The following FNDC3A variants were observed in gnomAD, a reference collection of about 807,000 sequenced individuals.
FNDC3A encodes the protein fibronectin type-III domain-containing protein 3A.
Under a neutral mutation model 148.9 loss-of-function variants are expected in FNDC3A, and 32 were observed. That is an observed-to-expected ratio of 0.21 (90% confidence interval 0.16 to 0.29). The LOEUF is 0.29. FNDC3A is among the 10% of genes least tolerant of loss of function. The probability of loss-of-function intolerance (pLI) is 1.00; values close to 1 mark genes in which losing one functional copy is unlikely to be tolerated. For missense variants in FNDC3A, 1,191 were observed against 1,452.8 expected (o/e 0.82, Z 2.93); for synonymous variants, 472 against 473.6 (o/e 1.00, Z 0.04).
At chr13:49,082,539 A>G (rs1270710528) in intron 3 of FNDC3A, among the ~76,000 whole-genome samples, 2 of 152,100 alleles carry the variant, frequency 1.3e-5, no homozygotes, top group Non-Finnish European at 2.9e-5. Context: ...AGAGTTTAAG[A>G]TGATATTGAG....
intron 4 of FNDC3A, among the ~76,000 whole-genome samples, chr13:49,126,973 A>G (rs1373909772): frequency 1.3e-5 from 2 of 152,280 alleles, no homozygotes; most frequent in East Asian, 1.9e-4. Context: ...TCATGGAGGA[A>G]CAGTCAAACG....
At chr13:49,085,890 T>C (rs1313027453) in intron 3 of FNDC3A, among the ~76,000 whole-genome samples, 1 of 151,742 alleles carries the variant, frequency 6.6e-6, no homozygotes, top group Non-Finnish European at 1.5e-5. Flanking sequence ...TTTTTTTTTT[T>C]TTTTCCCCTT....
At chr13:49,194,484 G>A (rs979034909) in intron 19 of FNDC3A, among the ~76,000 whole-genome samples, 3 of 152,092 alleles carry the variant, frequency 2.0e-5, no homozygotes, top group Non-Finnish European at 4.4e-5. Context: ...TTTTTGGGTG[G>A]TATTCATGTG....
At chr13:49,004,466 T>C (rs1329539493) in intron 1 of FNDC3A, among the ~76,000 whole-genome samples, 3 of 152,030 alleles carry the variant, frequency 2.0e-5, no homozygotes, top group Non-Finnish European at 4.4e-5. Context: ...GTTGAAAATT[T>C]TAAAAAGGTA....
chr13:49,002,720 G>C (rs2137590929), intron 1 of FNDC3A, among the ~76,000 whole-genome samples: 1 of 152,202 alleles, frequency 6.6e-6, no homozygotes, highest in Middle Eastern at 3.4e-3. Flanking sequence ...TCTTTTGTGT[G>C]TTTTTCATGC....
intron 1 of FNDC3A, among the ~76,000 whole-genome samples, chr13:48,987,678 T>C (rs140760188): frequency 1.3e-5 from 2 of 152,332 alleles, no homozygotes; most frequent in African/African-American, 4.8e-5. Flanking sequence ...ATAAATAAGT[T>C]ACAGTAAATT....
intron 2 of FNDC3A, among the ~76,000 whole-genome samples, chr13:49,025,365 G>T (rs1052812852): frequency 1.3e-5 from 2 of 151,902 alleles, no homozygotes; most frequent in Non-Finnish European, 2.9e-5. Context: ...CTTTTTTCAA[G>T]ATTTCAGCAT....
At chr13:49,159,331 T>A (rs560265979) in intron 8 of FNDC3A, among the ~76,000 whole-genome samples, 1 of 152,354 alleles carries the variant, frequency 6.6e-6, no homozygotes, top group South Asian at 2.1e-4. Flanking sequence ...GAAGAGGTCC[T>A]TCACATCCCT....
chr13:49,010,943 T>G (rs1952329622), intron 2 of FNDC3A, among the ~76,000 whole-genome samples: 1 of 152,234 alleles, frequency 6.6e-6, no homozygotes, highest in African/African-American at 2.4e-5. Context: ...CAATATTGTT[T>G]TAAAGATTCC....
At chr13:49,118,958 G>A (rs150802260) in intron 4 of FNDC3A, among the ~76,000 whole-genome samples, 217 of 152,328 alleles carry the variant, frequency 1.4e-3, no homozygotes, top group African/African-American at 5.0e-3. Context: ...CCTGCCTACC[G>A]GCTCTAAAGC....
chr13:49,015,578 G>C (rs1952479777), intron 2 of FNDC3A, among the ~76,000 whole-genome samples: 1 of 152,090 alleles, frequency 6.6e-6, no homozygotes, highest in African/African-American at 2.4e-5. Flanking sequence ...TTTCCTAATT[G>C]AATACCCTTT....
chr13:49,176,595 A>G (rs1034287487), intron 13 of FNDC3A, among the ~76,000 whole-genome samples: 2 of 152,178 alleles, frequency 1.3e-5, no homozygotes, highest in Non-Finnish European at 2.9e-5. Flanking sequence ...ACAAACCTGC[A>G]TGTTCTGCAC....
intron 3 of FNDC3A, among the ~76,000 whole-genome samples, chr13:49,112,303 A>C (rs1880628081): frequency 6.6e-6 from 1 of 152,210 alleles, no homozygotes; most frequent in Non-Finnish European, 1.5e-5. Context: ...GGATTCAGGA[A>C]GTTAGTTTAC....
At chr13:49,021,408 C>G (rs1363453926) in intron 2 of FNDC3A, among the ~76,000 whole-genome samples, 1 of 152,186 alleles carries the variant, frequency 6.6e-6, no homozygotes, top group Non-Finnish European at 1.5e-5. Context: ...AAGACAAGCC[C>G]TGGGACTGGG....
chr13:49,127,796 T>C (rs1219334919), intron 4 of FNDC3A, among the ~76,000 whole-genome samples: 2 of 152,200 alleles, frequency 1.3e-5, no homozygotes, highest in African/African-American at 4.8e-5. Context: ...GCCTTCCTCA[T>C]CACATTGATG....
intron 3 of FNDC3A, among the ~76,000 whole-genome samples, chr13:49,111,444 G>C (rs1053912460): frequency 6.6e-6 from 1 of 152,108 alleles, no homozygotes; most frequent in African/African-American, 2.4e-5. Flanking sequence ...AAGAAAATCT[G>C]GCCGGGCATG....
intron 2 of FNDC3A, among the ~76,000 whole-genome samples, chr13:49,031,732 A>G (rs1051723063): frequency 6.6e-6 from 1 of 152,186 alleles, no homozygotes; most frequent in Non-Finnish European, 1.5e-5. Flanking sequence ...ATTATTTCCT[A>G]GATAAAAAAC....
At chr13:49,192,861 C>T (rs1023294465) in intron 19 of FNDC3A, among the ~76,000 whole-genome samples, 1 of 152,106 alleles carries the variant, frequency 6.6e-6, no homozygotes, top group African/African-American at 2.4e-5. Context: ...TTTATGCCTA[C>T]CAGAGAGCAG....
intron 5 of FNDC3A, among the ~76,000 whole-genome samples, chr13:49,134,833 G>T (rs1290574053): frequency 1.9e-4 from 3 of 15,740 alleles, no homozygotes; most frequent in Admixed American, 9.5e-4. Flanking sequence ...TTGAGATGGA[G>T]TTTCACTCTT....
Sources: gnomAD v4.1 joint callset for allele counts (sites outside exome capture counted in the v4.1 genomes callset) on GRCh38, gnomAD v4.1.1 for gene constraint, MANE v1.5 for transcripts, NCBI Gene and HGNC (gene_info 2026-07-23, HGNC 2026-07-21) for gene names.